LITAF: variants seen among roughly 807,000 people sequenced by gnomAD.
The protein encoded by LITAF is lipopolysaccharide induced TNF factor.
LITAF carries 9 observed loss-of-function variants against 14.5 expected under a neutral mutation model. The ratio of observed to expected loss-of-function variants is 0.62; its 90% CI spans 0.37 to 1.08. The LOEUF (loss-of-function observed/expected upper bound fraction) is 1.08, where lower values mean the gene tolerates loss of function less well. Among genes scored for constraint, LITAF ranks in the 50% least tolerant of loss-of-function variants. LITAF has a pLI of 0.01. For synonymous variants in LITAF, 98 were observed against 88.2 expected, an observed-to-expected ratio of 1.11 and a Z score of -0.62; for missense variants, 206 against 213.4, an observed-to-expected ratio of 0.97 and a Z score of 0.22.
At chr16:11,631,748 C>A (rs149935129) in intron 3 of LITAF, among the ~76,000 whole-genome samples, 12 of 152,122 alleles carry the variant, frequency 7.9e-5, no homozygotes, top group Non-Finnish European at 1.6e-4. Context: ...CTTGCTTACA[C>A]AGACACCCGT....
chr16:11,551,404 TAA>T (rs1271223682), intron 3 of LITAF, among the ~76,000 whole-genome samples: 3 of 151,980 alleles, frequency 2.0e-5, no homozygotes, highest in Admixed American at 6.6e-5. Flanking sequence ...CACAGAGAGG[TAA>T]AGTCACTTGC....
At chr16:11,625,260 A>G (rs1027622854) in intron 3 of LITAF, among the ~76,000 whole-genome samples, 1 of 139,650 alleles carries the variant, frequency 7.2e-6, no homozygotes, top group Non-Finnish European at 1.5e-5. Context: ...TCACCTCCCA[A>G]AAACCTTTTT....
At chr16:11,578,244 G>A (rs1364828425) in intron 1 of LITAF, among the ~76,000 whole-genome samples, 3 of 152,172 alleles carry the variant, frequency 2.0e-5, no homozygotes, top group East Asian at 1.9e-4. Flanking sequence ...TGTGTGGGCT[G>A]GACTCCTTGA....
intron 1 of LITAF, among the ~76,000 whole-genome samples, chr16:11,561,860 C>G (rs2064371692): frequency 6.8e-6 from 1 of 147,974 alleles, no homozygotes. Context: ...CAATTAGTCC[C>G]CCTCACCCTA....
rs938998741 is a variant in LITAF, at chr16:11,632,222, C to A, written c.85+1311G>T. ...CCTTCACAAGTGCTGGGAGTTACGT[C>A]GTGGACGTGTCTTTCGGGGAGGGGT... On this transcript the variant is annotated intron_variant, in intron 3 of 3. Coordinates refer to the LITAF transcript ENST00000574848. The surrounding 1 kb of genome is among the most constrained non-coding windows in gnomAD (Gnocchi z 4.8). Among the ~76,000 whole-genome samples the A allele has an allele frequency of 2.6e-5, 4 of 152,084 alleles. No individual in the cohort carries two copies. The highest frequency in any genetic ancestry group is 9.7e-5 in the African/African-American group (4 of 41,426).
At chr16:11,623,121 G>A (rs1056957868) in intron 3 of LITAF, among the ~76,000 whole-genome samples, 3 of 151,198 alleles carry the variant, frequency 2.0e-5, no homozygotes, top group East Asian at 2.0e-4. Context: ...CCACCACCAC[G>A]CCCGGCTAAT....
chr16:11,554,188 C>A (rs555063567), intron 2 of LITAF, among the ~76,000 whole-genome samples: 2 of 152,068 alleles, frequency 1.3e-5, no homozygotes, highest in East Asian at 3.9e-4. Flanking sequence ...ATCATGATTG[C>A]GCCACTGCTC....
intron 2 of LITAF, 126 bp downstream of exon 2, chr16:11,556,385 G>T (rs1376930575): frequency 1.3e-6 from 1 of 744,740 alleles, no homozygotes; most frequent in African/African-American, 1.8e-5. Context: ...TTCAAGGTAA[G>T]GGGGTAAAAC....
At chr16:11,567,375 G>A (rs776528436) in intron 1 of LITAF, among the ~76,000 whole-genome samples, 2 of 151,000 alleles carry the variant, frequency 1.3e-5, no homozygotes, top group Admixed American at 6.6e-5. Flanking sequence ...AGCTGAGATC[G>A]TGCCACTGCA....
chr16:11,607,034 T>A (rs1245790898), intron 3 of LITAF, among the ~76,000 whole-genome samples: 2 of 152,194 alleles, frequency 1.3e-5, no homozygotes, highest in African/African-American at 4.8e-5. Flanking sequence ...CTTTCAGGAA[T>A]GGCCCAAGGT....
chr16:11,603,493 C>T (rs974744178), upstream of LITAF, among the ~76,000 whole-genome samples: 2 of 152,304 alleles, frequency 1.3e-5, no homozygotes, highest in Admixed American at 6.5e-5. Flanking sequence ...AAAGGAAACA[C>T]GCCTTGAGAT....
intron 3 of LITAF, among the ~76,000 whole-genome samples, chr16:11,631,257 A>G (rs1183832332): frequency 6.6e-6 from 1 of 152,192 alleles, no homozygotes; most frequent in Non-Finnish European, 1.5e-5. Flanking sequence ...TCTCTGTTCT[A>G]GAGTCTAAAA....
At chr16:11,564,101 G>T (rs140300769) in intron 1 of LITAF, among the ~76,000 whole-genome samples, 1 of 151,880 alleles carries the variant, frequency 6.6e-6, no homozygotes, top group Non-Finnish European at 1.5e-5. Flanking sequence ...TAGAGACAGG[G>T]GTTTCACCAT....
chr16:11,618,611 C>A (rs2903972), intron 3 of LITAF, among the ~76,000 whole-genome samples: 3 of 152,108 alleles, frequency 2.0e-5, no homozygotes, highest in Non-Finnish European at 4.4e-5. Context: ...CATGGAGCCA[C>A]TGGCCATTGT....
At chr16:11,626,243 A>G (rs2065083202) in intron 3 of LITAF, among the ~76,000 whole-genome samples, 1 of 152,154 alleles carries the variant, frequency 6.6e-6, no homozygotes, top group Non-Finnish European at 1.5e-5. Context: ...CAGTGGTACA[A>G]TCTCAGCTCA....
At chr16:11,623,039 C>T (rs908463038) in intron 3 of LITAF, among the ~76,000 whole-genome samples, 5 of 151,444 alleles carry the variant, frequency 3.3e-5, no homozygotes, top group Admixed American at 6.6e-5. Flanking sequence ...TCTCGGCTCA[C>T]TGCAAGCTCC....
upstream of LITAF, among the ~76,000 whole-genome samples, chr16:11,599,999 T>A (rs867007453): frequency 2.9e-4 from 44 of 152,120 alleles, no homozygotes; most frequent in African/African-American, 1.0e-3. Context: ...TTTAATTTTT[T>A]AATTTTTTAT....
chr16:11,617,314 T>C (rs951328485), intron 3 of LITAF, among the ~76,000 whole-genome samples: 3 of 151,986 alleles, frequency 2.0e-5, no homozygotes, highest in African/African-American at 7.2e-5. Context: ...CCATGAAATG[T>C]ATGAAAATGT....
intron 1 of LITAF, among the ~76,000 whole-genome samples, chr16:11,584,858 A>G (rs1251269022): frequency 6.6e-6 from 1 of 152,316 alleles, no homozygotes; most frequent in Middle Eastern, 3.4e-3. Flanking sequence ...GGAAGTAACA[A>G]AGGGAAATGT....
Sources: gnomAD v4.1 joint callset for allele counts (sites outside exome capture counted in the v4.1 genomes callset) on GRCh38, gnomAD v4.1.1 for gene constraint, Gnocchi (gnomAD v3.1) non-coding constraint, MANE v1.5 for transcripts, NCBI Gene and HGNC (gene_info 2026-07-23, HGNC 2026-07-21) for gene names.